The following LRRIQ3 variants were observed in gnomAD, a reference collection of about 807,000 sequenced individuals.
LRRIQ3 encodes the protein leucine-rich repeat and IQ domain-containing protein 3.
In LRRIQ3, 75 loss-of-function variants were observed where a neutral mutation model predicts 59.3. That is an observed-to-expected ratio of 1.26 (90% CI 1.05 to 1.53). The LOEUF (loss-of-function observed/expected upper bound fraction) is 1.53. Among genes scored for constraint, LRRIQ3 ranks in the 40% most tolerant of loss-of-function variants. LRRIQ3 has a pLI of 0.00. For synonymous variants in LRRIQ3, 250 were observed against 231.3 expected (o/e 1.08, Z -0.73); for missense variants, 831 against 710.0 (o/e 1.17, Z -1.94).
intron 6 of LRRIQ3, among the ~76,000 whole-genome samples, chr1:74,073,760 G>T (rs1646164759): frequency 6.6e-6 from 1 of 151,894 alleles, no homozygotes; most frequent in African/African-American, 2.4e-5. Context: ...CACCATCATG[G>T]GATTAAAAAA....
At chr1:74,096,652 CT>C (rs1646453202) in intron 5 of LRRIQ3, among the ~76,000 whole-genome samples, 1 of 152,074 alleles carries the variant, frequency 6.6e-6, no homozygotes, top group Non-Finnish European at 1.5e-5. Flanking sequence ...AGCTTTTCTG[CT>C]CTGTTTTTTC....
At chr1:74,106,278 T>G (rs142210285) in intron 5 of LRRIQ3, among the ~76,000 whole-genome samples, 209 of 152,192 alleles carry the variant, frequency 1.4e-3, no homozygotes, top group African/African-American at 4.3e-3. Context: ...TGGCCATCAC[T>G]TTCTTACTTC....
chr1:74,046,814 G>T (rs990204717), intron 6 of LRRIQ3, among the ~76,000 whole-genome samples: 1 of 152,126 alleles, frequency 6.6e-6, no homozygotes, highest in African/African-American at 2.4e-5. Context: ...TTTCTCAAAA[G>T]AAGGCATTTA....
At chr1:74,186,427 A>G (rs1650383644) in intron 1 of LRRIQ3, among the ~76,000 whole-genome samples, 1 of 152,190 alleles carries the variant, frequency 6.6e-6, no homozygotes, top group Non-Finnish European at 1.5e-5. Flanking sequence ...GAGGTTCTAC[A>G]CTTGTGTGAG....
chr1:74,174,996 C>A (rs572986668), intron 3 of LRRIQ3, among the ~76,000 whole-genome samples: 1 of 152,274 alleles, frequency 6.6e-6, no homozygotes, highest in Non-Finnish European at 1.5e-5. Context: ...GGTGCTTGTG[C>A]ATTTTAAGAA....
intron 4 of LRRIQ3, among the ~76,000 whole-genome samples, chr1:74,140,366 CATA>C (rs1229256612): frequency 1.3e-5 from 2 of 151,640 alleles, no homozygotes; most frequent in Admixed American, 6.6e-5. Flanking sequence ...GACTGATTGA[CATA>C]ATGATTTTTA....
chr1:74,029,587 G>T (rs947552354), intron 7 of LRRIQ3, among the ~76,000 whole-genome samples: 5 of 152,038 alleles, frequency 3.3e-5, no homozygotes, highest in African/African-American at 1.2e-4. Context: ...ATCTACTGCT[G>T]GACTTGGTAT....
intron 7 of LRRIQ3, among the ~76,000 whole-genome samples, chr1:74,033,850 C>T (rs1653791036): frequency 6.6e-6 from 1 of 151,940 alleles, no homozygotes; most frequent in South Asian, 2.1e-4. Flanking sequence ...TCTAGCTCTT[C>T]CATGCTAAGT....
chr1:74,131,994 A>T (rs1386634706), intron 4 of LRRIQ3, among the ~76,000 whole-genome samples: 1 of 152,196 alleles, frequency 6.6e-6, no homozygotes, highest in African/African-American at 2.4e-5. Flanking sequence ...TCTCAGCACA[A>T]AATCTCCTTA....
chr1:74,140,547 G>C (rs1308310842), intron 4 of LRRIQ3, among the ~76,000 whole-genome samples: 3 of 151,778 alleles, frequency 2.0e-5, no homozygotes, highest in Non-Finnish European at 4.4e-5. Flanking sequence ...TAGAATAGTT[G>C]AACACCACCT....
intron 3 of LRRIQ3, among the ~76,000 whole-genome samples, chr1:74,158,113 T>C (rs1039450790): frequency 6.6e-6 from 1 of 151,946 alleles, no homozygotes; most frequent in African/African-American, 2.4e-5. Flanking sequence ...CAAATATCAG[T>C]CTTACCTCTC....
At chr1:74,080,823 G>C (rs551444512) in intron 5 of LRRIQ3, among the ~76,000 whole-genome samples, 4 of 151,660 alleles carry the variant, frequency 2.6e-5, no homozygotes, top group South Asian at 4.2e-4. Flanking sequence ...TTCACCTTAG[G>C]GGGAGGTTAA....
At chr1:74,030,857 A>T (rs1557584716) in intron 7 of LRRIQ3, among the ~76,000 whole-genome samples, 1 of 152,292 alleles carries the variant, frequency 6.6e-6, no homozygotes, top group East Asian at 1.9e-4. Context: ...TTTGCAATCT[A>T]CTCATCTGAC....
rs780566701 is a variant in LRRIQ3 at position 74,109,431 on chromosome 1, T to G, written c.830A>C (p.Glu277Ala). Reference sequence around the variant, plus strand: ...TGCAAGCTTTCCTTTTATATTAGTTTCAGGTTTGAAAAAGAGATCCTTAAG... The same window carrying G: ...TGCAAGCTTTCCTTTTATATTAGTTGCAGGTTTGAAAAAGAGATCCTTAAG... Reference protein sequence around the residue: ...KLLKDLFFKPETNIKGKLAYW... With the variant: ...KLLKDLFFKPATNIKGKLAYW... Residue 277 changes from glutamate to alanine, a missense_variant, in exon 5 of 8, where the codon GAA becomes GCA. Transcript: ENST00000354431. The G allele has an allele frequency of 6.4e-7, 1 of 1,562,296 alleles. No individual in the cohort carries two copies. Among genetic ancestry groups the G allele is most frequent in the African/African-American group, 1.4e-5 (1 of 72,892 alleles).
chr1:74,183,437 T>G lies in LRRIQ3; in HGVS notation c.248A>C (p.Gln83Pro). 6.4e-7 allele frequency: 1 copy of G among 1,567,134 alleles called. No individual in the cohort carries two copies. The highest frequency in any genetic ancestry group is 8.6e-7 in the Non-Finnish European group (1 of 1,157,612). ...KLIKLDLHGN[Q>P]IKSLPNTKFW... ...ATATCTGAAATGGCTATTGCTTACC[T>G]GATTTCCATGGAGATCAAGTTTGAT... The change falls in exon 2 of 8, where the codon CAG becomes CCG. Residue 83 changes from glutamine (Q) to proline (P), a missense_variant and splice_region_variant. Gln to Pro is a moderately conservative substitution (Grantham distance 76). Coordinates refer to ENST00000354431, the MANE Select transcript of LRRIQ3 (RefSeq NM_001105659.2).
chr1:74,106,174 A>T (rs1480737245), intron 5 of LRRIQ3, among the ~76,000 whole-genome samples: 3 of 152,074 alleles, frequency 2.0e-5, no homozygotes, highest in Non-Finnish European at 1.5e-5. Flanking sequence ...AGATTAGATC[A>T]TTATCCTAGG....
intron 4 of LRRIQ3, among the ~76,000 whole-genome samples, chr1:74,154,237 TCTCAAAAAAAAAAAA>T (rs1648171490): frequency 2.2e-5 from 1 of 44,586 alleles, no homozygotes; most frequent in Non-Finnish European, 3.7e-5. Context: ...CGAGACTCCT[TCTCAAAAAAAAAAAA>T]AAAAAAAAAA....
chr1:74,174,828 G>A (rs1038844032), intron 3 of LRRIQ3, among the ~76,000 whole-genome samples: 2 of 152,084 alleles, frequency 1.3e-5, no homozygotes, highest in Admixed American at 6.5e-5. Flanking sequence ...AGTTCACTAA[G>A]ATTCTTTCAG....
At position 74,041,345 on chromosome 1, in the gene LRRIQ3, GT is replaced by G. The variant is rs1309667422; in HGVS notation, c.1585del (p.Thr529ProfsTer17). The G allele has an allele frequency of 4.3e-6, 7 of 1,613,592 alleles. No homozygotes were observed. Among genetic ancestry groups the G allele is most frequent in the Non-Finnish European group, 5.1e-6 (6 of 1,179,872 alleles). ...TCTGTCAATTTTAAGTAGTCCTCTG[GT>G]CAAAAGAGTGCGCTCATTATTTAAG... ...QNLNNERTLLTRGLLKIDRLE... is the reference protein window; with the variant it reads ...QNLNNERTLLXRGLLKIDRLE... On this transcript the variant is annotated frameshift_variant, in exon 7 of 8. Transcript: ENST00000354431. LOFTEE classifies it high-confidence loss of function.
Sources: gnomAD v4.1 joint callset for allele counts (sites outside exome capture counted in the v4.1 genomes callset) on GRCh38, gnomAD v4.1.1 for gene constraint, MANE v1.5 for transcripts, NCBI Gene and HGNC (gene_info 2026-07-23, HGNC 2026-07-21) for gene names.